The following CASQ2 variants were observed in gnomAD, a reference collection of about 807,000 sequenced individuals.
CASQ2 encodes calsequestrin 2, also known as calsequestrin-2.
A neutral mutation model predicts 46.5 loss-of-function variants in CASQ2; 49 were observed. The ratio of observed to expected loss-of-function variants is 1.05; its 90% CI spans 0.84 to 1.34. CASQ2 has a LOEUF of 1.34. Ranked by LOEUF, CASQ2 falls within the 40% of genes most tolerant of loss-of-function variation. CASQ2 has a pLI of 0.00. For missense variants in CASQ2, 486 were observed against 481.3 expected, an observed-to-expected ratio of 1.01 and a Z score of -0.09; for synonymous variants, 174 against 168.5, an observed-to-expected ratio of 1.03 and a Z score of -0.25.
At chr1:115,739,063 TAA>T (rs36062822) in intron 3 of CASQ2, among the ~76,000 whole-genome samples, 60 of 140,396 alleles carry the variant, frequency 4.3e-4, no homozygotes, top group Admixed American at 5.9e-4. Context: ...TTTCTTTTTT[TAA>T]AAAAAAAAAA....
chr1:115,725,597 G>A, intron 6 of CASQ2, 44 bp from the exon 7 acceptor site: 1 of 1,579,450 alleles, frequency 6.3e-7, no homozygotes, highest in East Asian at 2.3e-5. Context: ...GCTTCCTTGA[G>A]TAGGGATCAC....
At chr1:115,731,941 T>C (rs958327622) in intron 5 of CASQ2, among the ~76,000 whole-genome samples, 7 of 152,176 alleles carry the variant, frequency 4.6e-5, no homozygotes, top group Non-Finnish European at 8.8e-5. Flanking sequence ...TGAGAGAGGA[T>C]CTCACTCCAT....
intron 6 of CASQ2, 94 bp downstream of exon 6, chr1:115,726,898 G>T: frequency 1.0e-6 from 1 of 979,092 alleles, no homozygotes; most frequent in South Asian, 1.4e-5. Context: ...TAACTAGGTT[G>T]TTGCTCTTGG....
chr1:115,760,803 G>A (rs1419961708), intron 1 of CASQ2, among the ~76,000 whole-genome samples: 4 of 152,280 alleles, frequency 2.6e-5, no homozygotes, highest in Admixed American at 1.3e-4. Context: ...ACGTGTAAAA[G>A]TTCAAGTGAC....
chr1:115,754,510 T>A (rs1557803840), intron 1 of CASQ2, among the ~76,000 whole-genome samples: 1 of 152,180 alleles, frequency 6.6e-6, no homozygotes, highest in Non-Finnish European at 1.5e-5. Context: ...ACAAGAATTA[T>A]CTTATTGAAT....
chr1:115,729,699 C>A (rs549022661), intron 5 of CASQ2, among the ~76,000 whole-genome samples: 4 of 152,132 alleles, frequency 2.6e-5, no homozygotes. Context: ...CTCCAGTTAG[C>A]AAGTCATTTT....
chr1:115,731,065 C>T (rs1647765382), intron 5 of CASQ2, among the ~76,000 whole-genome samples: 1 of 152,184 alleles, frequency 6.6e-6, no homozygotes, highest in Admixed American at 6.5e-5. Flanking sequence ...GCATCAGAGT[C>T]CTCTCAGTGC....
At chr1:115,739,927 A>C (rs972522693) in intron 3 of CASQ2, among the ~76,000 whole-genome samples, 1 of 152,174 alleles carries the variant, frequency 6.6e-6, no homozygotes, top group Non-Finnish European at 1.5e-5. Context: ...CAACTTTTTT[A>C]GGGCATGTGG....
chr1:115,768,667 C>T lies in CASQ2; in HGVS notation c.-126G>A, dbSNP rs1315259184. 2.8e-6 allele frequency: 2 copies of T among 712,130 alleles called. No homozygotes were observed. Among genetic ancestry groups the T allele is most frequent in the Non-Finnish European group, 4.9e-6 (2 of 406,062 alleles). The allele number at this position is 712,130 out of a possible 1,614,324, so 44.1% of individuals were successfully genotyped here. A position where few individuals can be genotyped will look rare whatever the true frequency, so the allele number is the denominator to read the frequency against. ...CTGATTTTCTCTCTTCTTTGCCCTT[C>T]CTGGGGCTGAAAAGTGACTCTTCAC... On this transcript the variant is annotated 5_prime_UTR_variant, in exon 1 of 11. Coordinates refer to ENST00000261448, the MANE Select transcript of CASQ2 (RefSeq NM_001232.4).
chr1:115,756,454 C>A (rs532130208), intron 1 of CASQ2, among the ~76,000 whole-genome samples: 3 of 152,138 alleles, frequency 2.0e-5, no homozygotes, highest in Non-Finnish European at 2.9e-5. Context: ...GCTAAGCTGA[C>A]AATTATGCAA....
chr1:115,701,573 A>C, intron 10 of CASQ2, 147 bp from the exon 11 acceptor site: 1 of 698,500 alleles, frequency 1.4e-6, no homozygotes, highest in Non-Finnish European at 2.6e-6. Context: ...GAAATGCCAA[A>C]CGGCAAAACG....
Position 115,740,839 on chromosome 1 carries a change from C to A in CASQ2, c.320-11G>T. The A allele has an allele frequency of 1.9e-6, 3 of 1,551,774 alleles. No individual in the cohort carries two copies. The South Asian group carries it at 3.3e-5, about 17-fold the overall frequency. The stretch of plus-strand genomic sequence containing the variant: ...CTTCTTCATCAAAACCTGTAAGAAA[C>A]AAAGAGGCCCACAGAGAAGGTCATC... On this transcript the variant is annotated splice_polypyrimidine_tract_variant and intron_variant, in intron 2 of 10. Transcript: ENST00000261448.
intron 3 of CASQ2, among the ~76,000 whole-genome samples, chr1:115,739,063 T>TTA (rs112144361): frequency 3.6e-5 from 5 of 140,366 alleles, no homozygotes; most frequent in African/African-American, 1.3e-4. Context: ...TTTCTTTTTT[T>TTA]AAAAAAAAAA....
chr1:115,766,900 T>TAGAC (rs1253817285), intron 1 of CASQ2, among the ~76,000 whole-genome samples: 1 of 135,438 alleles, frequency 7.4e-6, no homozygotes, highest in Non-Finnish European at 1.7e-5. Context: ...GATAGATAGA[T>TAGAC]AGATAGATAG....
chr1:115,725,557 G>GAAAAAAAAAAAAA lies in CASQ2; in HGVS notation c.738-17_738-5dup. 7.8e-6 allele frequency: 11 copies of GAAAAAAAAAAAAA among 1,401,646 alleles called. 2 individuals are homozygous for GAAAAAAAAAAAAA. Among genetic ancestry groups the GAAAAAAAAAAAAA allele is most frequent in the African/African-American group, 3.4e-5 (2 of 58,822 alleles). The allele number at this position is 1,401,646 out of a possible 1,614,324, so 86.8% of individuals were successfully genotyped here. On this transcript the variant is annotated splice_region_variant and splice_polypyrimidine_tract_variant and intron_variant, in intron 6 of 10. Coordinates refer to ENST00000261448, the MANE Select transcript of CASQ2 (RefSeq NM_001232.4). Reference sequence around the variant, plus strand: ...GCGCAGGCGACGTAGAGTGGGTCTGGAAAAAAAAAAAAAAAAAAAAAAAGA... The same window carrying GAAAAAAAAAAAAA: ...GCGCAGGCGACGTAGAGTGGGTCTGGAAAAAAAAAAAAAAAAAAAAAAAAAAAAAAAAAAAAGA...
chr1:115,759,179 C>T (rs923890101), intron 1 of CASQ2, among the ~76,000 whole-genome samples: 1 of 152,138 alleles, frequency 6.6e-6, no homozygotes, highest in Non-Finnish European at 1.5e-5. Context: ...TTTGTAAGTG[C>T]TATGATTTGG....
chr1:115,748,868 C>G (rs977635456), intron 1 of CASQ2, among the ~76,000 whole-genome samples: 42 of 152,114 alleles, frequency 2.8e-4, no homozygotes, highest in African/African-American at 9.9e-4. Flanking sequence ...AGTACGTGAG[C>G]CTCTGACAGT....
intron 1 of CASQ2, among the ~76,000 whole-genome samples, chr1:115,755,654 A>C (rs762287968): frequency 5.9e-5 from 9 of 152,198 alleles, no homozygotes; most frequent in Non-Finnish European, 1.3e-4. Flanking sequence ...GCCATGGATA[A>C]CTAACTTGAG....
At chr1:115,757,834 C>T (rs76243404) in intron 1 of CASQ2, among the ~76,000 whole-genome samples, 7,003 of 152,148 alleles carry the variant, frequency 0.046, 566 homozygotes, top group African/African-American at 0.16. Flanking sequence ...AAATTTAACT[C>T]AATTTTAAAA....
Sources: gnomAD v4.1 joint callset for allele counts (sites outside exome capture counted in the v4.1 genomes callset) on GRCh38, gnomAD v4.1.1 for gene constraint, MANE v1.5 for transcripts, NCBI Gene and HGNC (gene_info 2026-07-23, HGNC 2026-07-21) for gene names.